ITGAD: variants seen among roughly 807,000 people sequenced by gnomAD.
ITGAD encodes integrin subunit alpha D, also known as integrin alpha-D.
A neutral mutation model predicts 139.0 loss-of-function variants in ITGAD; 105 were observed. The observed-to-expected ratio is 0.76, with a 90% CI of 0.65 to 0.89. The LOEUF is 0.89. ITGAD is among the 40% of genes least tolerant of loss of function. The probability of loss-of-function intolerance (pLI) is 0.00; values close to 1 mark genes in which losing one functional copy is unlikely to be tolerated. For synonymous variants in ITGAD, 569 were observed against 598.3 expected, an observed-to-expected ratio of 0.95 and a Z score of 0.71; for missense variants, 1,384 against 1,487.3, an observed-to-expected ratio of 0.93 and a Z score of 1.14.
chr16:31,407,368 A>G, intron 7 of ITGAD, 147 bp from the exon 8 acceptor site: 1 of 792,054 alleles, frequency 1.3e-6, no homozygotes, highest in South Asian at 2.2e-5. Context: ...AAGAAAACCC[A>G]AAACGGCAAA....
chr16:31,418,548 T>C lies in ITGAD; in HGVS notation c.2764T>C (p.Tyr922His), dbSNP rs745725335. 2 of 1,614,096 alleles carry C rather than the reference T, an allele frequency of 1.2e-6. No homozygotes were observed. The highest frequency in any genetic ancestry group is 1.3e-5 in the African/African-American group (1 of 75,054). ...QLELPVKYAVYTMISRQEEST... is the reference protein window; with the variant it reads ...QLELPVKYAVHTMISRQEEST... ...GGAGCTCCCGGTGAAGTATGCAGTC[T>C]ACACCATGATCAGCAGGTGCCCAGT... Residue 922 changes from tyrosine to histidine, a missense_variant, in exon 23 of 30, where the codon TAC (tyrosine) becomes CAC (histidine). By Grantham distance (83) the Tyr-to-His change is moderately conservative. Coordinates refer to ENST00000389202, the MANE Select transcript of ITGAD (RefSeq NM_005353.3).
chr16:31,420,994 A>G (rs547322010), intron 23 of ITGAD, among the ~76,000 whole-genome samples: 4 of 152,202 alleles, frequency 2.6e-5, no homozygotes, highest in Non-Finnish European at 4.4e-5. Flanking sequence ...AAATACTTAC[A>G]ATAAGAGCTT....
Position 31,418,320 on chromosome 16 carries a change from T to G in ITGAD, c.2636T>G (p.Phe879Cys). 6.2e-7 allele frequency: 1 copy of G among 1,614,038 alleles called. No homozygotes were observed. Among genetic ancestry groups the G allele is most frequent in the South Asian group, 1.1e-5 (1 of 91,074 alleles). Residue 879 changes from phenylalanine to cysteine, a missense_variant, in exon 22 of 30, where the codon TTC becomes TGC. By Grantham distance (205) the Phe-to-Cys change is radical. Transcript: ENST00000389202. ...CCTCAGGGCACCTTCATAGTCACAT[T>G]CGATGTCTCCTACAAGGCCACCCTG... is the stretch of plus-strand genomic sequence containing the variant. The part of the protein sequence containing the change: ...EGSNGTFIVT[F>C]DVSYKATLGD...
Position 31,407,672 on chromosome 16 carries a change from C to T in ITGAD, c.858+4C>T, listed in dbSNP as rs114765886. 1.7e-3 allele frequency: 2,744 copies of T among 1,613,996 alleles called. 31 individuals carry two copies. The African/African-American group carries it at 0.031, about 18-fold the overall frequency. On this transcript the variant is annotated splice_donor_region_variant and intron_variant, in intron 8 of 29. Transcript: ENST00000389202. Reference sequence around the variant, plus strand: ...CATCATCCGCTACGCTATCGGGGTGCGCCTCTTCTTCACCCCTGCCCCAGG... The same window carrying T: ...CATCATCCGCTACGCTATCGGGGTGTGCCTCTTCTTCACCCCTGCCCCAGG...
chr16:31,402,074 C>T (rs931661179), intron 5 of ITGAD, 41 bp from the exon 6 acceptor site: 5 of 1,598,886 alleles, frequency 3.1e-6, no homozygotes, highest in Non-Finnish European at 3.4e-6. Flanking sequence ...GGGGGTTGGG[C>T]CCCCGCAGTG....
rs373776239 is a variant in ITGAD, at chr16:31,407,774, C to G, written c.867C>G (p.His289Gln). The G allele has an allele frequency of 6.2e-7, 1 of 1,613,974 alleles. No homozygotes were observed. The highest frequency in any genetic ancestry group is 8.5e-7 in the Non-Finnish European group (1 of 1,179,862). The change falls in exon 9 of 30, where the codon CAC (histidine) becomes CAG (glutamine). Residue 289 changes from histidine (H) to glutamine (Q), a missense_variant. By Grantham distance (24) the His-to-Gln change is conservative (BLOSUM62 0). Transcript: ENST00000389202. ...GIIRYAIGVG[H>Q]AFQGPTARQE... ...CTGTCTCTCTGCTGCAGGTGGGACA[C>G]GCTTTCCAGGGACCCACTGCCAGGC...
At chr16:31,414,076 A>C (rs895385340) in intron 16 of ITGAD, among the ~76,000 whole-genome samples, 1 of 152,110 alleles carries the variant, frequency 6.6e-6, no homozygotes, top group Non-Finnish European at 1.5e-5. Context: ...TCTATTATCT[A>C]TTAATCTAAT....
intron 10 of ITGAD, among the ~76,000 whole-genome samples, chr16:31,409,911 CAAA>C (rs11447533): frequency 1.1e-5 from 1 of 89,752 alleles, no homozygotes; most frequent in Non-Finnish European, 2.1e-5. Context: ...CAGCCTGTCT[CAAA>C]AAAAAAAAAA....
intron 4 of ITGAD, 40 bp downstream of exon 4, chr16:31,397,706 C>CGGCGGG: frequency 3.3e-6 from 1 of 299,962 alleles, no homozygotes; most frequent in Non-Finnish European, 5.6e-6. Context: ...TGGGGTGGGG[C>CGGCGGG]GGGGGGTGTT....
At chr16:31,398,558 T>C (rs2081330151) in intron 5 of ITGAD, among the ~76,000 whole-genome samples, 1 of 152,094 alleles carries the variant, frequency 6.6e-6, no homozygotes, top group Non-Finnish European at 1.5e-5. Flanking sequence ...CATAGCTCAC[T>C]GCAGCCTCGA....
intron 9 of ITGAD, 97 bp downstream of exon 9, chr16:31,408,013 C>A: frequency 7.5e-7 from 1 of 1,340,738 alleles, no homozygotes; most frequent in Non-Finnish European, 1.0e-6. Context: ...CACTTTGTCC[C>A]CAGGCTGGAG....
chr16:31,399,945 C>G (rs1348529088), intron 5 of ITGAD, among the ~76,000 whole-genome samples: 1 of 152,192 alleles, frequency 6.6e-6, no homozygotes, highest in Non-Finnish European at 1.5e-5. Context: ...AGGCAGAGCC[C>G]AGAGCTTGAG....
chr16:31,422,639 A>G (rs992124118), intron 23 of ITGAD, among the ~76,000 whole-genome samples: 8 of 152,086 alleles, frequency 5.3e-5, no homozygotes, highest in Non-Finnish European at 1.2e-4. Flanking sequence ...TGCCCCATGT[A>G]GGAGACATGA....
Position 31,424,098 on chromosome 16 carries a change from G to A in ITGAD, c.3160-4G>A. ...TCCACAGGTTTCCCCCAACCCCTTT[G>A]CAGACATTGCAGAAGAAGGTGTTGG... On this transcript the variant is annotated splice_region_variant and splice_polypyrimidine_tract_variant and intron_variant, in intron 27 of 29. Transcript: ENST00000389202. 6.2e-7 allele frequency: 1 copy of A among 1,614,220 alleles called. No individual in the cohort carries two copies.
chr16:31,398,357 G>T (rs2081323798), intron 5 of ITGAD, among the ~76,000 whole-genome samples: 1 of 151,696 alleles, frequency 6.6e-6, no homozygotes, highest in Non-Finnish European at 1.5e-5. Context: ...AACCCAGGAG[G>T]CGGAGGTTGC....
rs114061172 is a variant in ITGAD, at chr16:31,401,639, G to A, written c.428-476G>A. ...GGACTTGTCTCCAGCACCCATGTGC[G>A]TGTTGCTTTATCCTTGCAGTGATCC... On this transcript the variant is annotated intron_variant, in intron 5 of 29. Coordinates refer to ENST00000389202, the MANE Select transcript of ITGAD (RefSeq NM_005353.3). Among the ~76,000 whole-genome samples the A allele has an allele frequency of 6.8e-3, 1,039 of 152,334 alleles. 18 individuals are homozygous for A. The highest frequency in any genetic ancestry group is 0.024 in the African/African-American group (997 of 41,568).
intron 1 of ITGAD, 89 bp from the exon 2 acceptor site, chr16:31,394,147 A>G (rs1009690953): frequency 2.5e-5 from 19 of 771,546 alleles, no homozygotes; most frequent in South Asian, 1.1e-4. Flanking sequence ...AAAAAAAAAA[A>G]AAAGAAAAAA....
intron 26 of ITGAD, 76 bp downstream of exon 26, chr16:31,423,724 A>C: frequency 1.3e-6 from 2 of 1,534,474 alleles, no homozygotes; most frequent in Non-Finnish European, 1.8e-6. Flanking sequence ...GCTAGGCCAC[A>C]GAGTTCCGTG....
intron 5 of ITGAD, among the ~76,000 whole-genome samples, 183 bp downstream of exon 5, chr16:31,398,092 C>T (rs766472881): frequency 2.6e-5 from 4 of 152,108 alleles, no homozygotes; most frequent in Non-Finnish European, 5.9e-5. Context: ...AAGTTCTTTG[C>T]AGGGTTTTTC....
Sources: gnomAD v4.1 joint callset for allele counts (sites outside exome capture counted in the v4.1 genomes callset) on GRCh38, gnomAD v4.1.1 for gene constraint, MANE v1.5 for transcripts, NCBI Gene and HGNC (gene_info 2026-07-23, HGNC 2026-07-21) for gene names.